RDH13: variants seen among roughly 807,000 people sequenced by gnomAD.
The protein encoded by RDH13 is retinol dehydrogenase 13, also known as retinol dehydrogenase 13 (all-trans and 9-cis).
A neutral mutation model predicts 28.3 loss-of-function variants in RDH13; 35 were observed. The observed-to-expected ratio is 1.24, with a 90% CI of 0.95 to 1.64. The LOEUF (loss-of-function observed/expected upper bound fraction) is 1.64. Among genes scored for constraint, RDH13 ranks in the 40% most tolerant of loss-of-function variants. RDH13 has a pLI of 0.00. For synonymous variants in RDH13, 229 were observed against 198.5 expected, an observed-to-expected ratio of 1.15 and a Z score of -1.29; for missense variants, 514 against 446.3, an observed-to-expected ratio of 1.15 and a Z score of -1.37.
intron 2 of RDH13, among the ~76,000 whole-genome samples, chr19:55,057,122 C>T (rs796441826): frequency 1.2e-4 from 19 of 152,202 alleles, no homozygotes; most frequent in African/African-American, 1.4e-4. Context: ...GACCACACAG[C>T]GTACAATCCC....
rs556468757 is a variant in RDH13 at position 55,055,204 on chromosome 19, G to A, written c.340+1449C>T. Among the ~76,000 whole-genome samples the A allele has an allele frequency of 7.2e-5, 11 of 152,182 alleles. No homozygotes were observed. In the East Asian group the frequency reaches 2.1e-3, roughly 30 times the overall value. ...GTCTCACTCTGTCACCCAGGCTGGA[G>A]TGCACTGGCACAATCTCAGCTCACT... On this transcript the variant is annotated intron_variant, in intron 3 of 6. Transcript: ENST00000415061.
At chr19:55,047,081 G>C (rs2075259783) in intron 6 of RDH13, 1 of 1,263,450 alleles carries the variant, frequency 7.9e-7, no homozygotes, top group African/African-American at 1.5e-5. Flanking sequence ...AGGTGCAGCT[G>C]GTTTGGGGTG....
intron 6 of RDH13, among the ~76,000 whole-genome samples, chr19:55,045,940 TC>T (rs2075212946): frequency 1.2e-5 from 1 of 85,398 alleles, no homozygotes; most frequent in South Asian, 4.0e-4. Context: ...TAGCAAGACT[TC>T]GTCTCAAAAA....
At chr19:55,068,187 C>G (rs1303382721) in intron 1 of RDH13, among the ~76,000 whole-genome samples, 2 of 151,764 alleles carry the variant, frequency 1.3e-5, no homozygotes, top group South Asian at 4.2e-4. Context: ...CTCTCTCCCC[C>G]CAACTCTCTC....
In RDH13 at chr19:55,048,692, CGTCCTCGGT is replaced by C. The variant is rs756906642; in HGVS notation, c.403_411del (p.Thr135_Asp137del). The stretch of plus-strand genomic sequence containing the variant: ...TTAACGCCAAACTGCATCTCGAAGC[CGTCCTCGGT>C]GGTCCAGTGGGGGCACCGCATCACA... On this transcript the variant is annotated inframe_deletion, in exon 4 of 7. Coordinates refer to ENST00000415061, the MANE Select transcript of RDH13 (RefSeq NM_001145971.2). The C allele has an allele frequency of 3.7e-6, 6 of 1,613,978 alleles. No homozygotes were observed. The highest frequency in any genetic ancestry group is 5.1e-6 in the Non-Finnish European group (6 of 1,180,014).
At chr19:55,048,004 A>G (rs2075293967) in intron 5 of RDH13, 5 of 1,349,692 alleles carry the variant, frequency 3.7e-6, no homozygotes, top group Non-Finnish European at 4.9e-6. Flanking sequence ...GTTTCCAGGC[A>G]TTGACAACTG....
chr19:55,054,971 CAAT>C (rs746382303), intron 3 of RDH13, among the ~76,000 whole-genome samples: 6 of 151,968 alleles, frequency 3.9e-5, no homozygotes, highest in South Asian at 2.1e-4. Context: ...GTCAACTAAA[CAAT>C]AAATAATTTT....
At chr19:55,060,772 T>C (rs1445498021) in intron 1 of RDH13, among the ~76,000 whole-genome samples, 1 of 152,112 alleles carries the variant, frequency 6.6e-6, no homozygotes, top group Non-Finnish European at 1.5e-5. Context: ...AGGCGGAGGT[T>C]GCAGTGAGTC....
intron 1 of RDH13, 113 bp from the exon 2 acceptor site, chr19:55,059,388 AAC>A (rs1475357906): frequency 2.0e-5 from 13 of 663,604 alleles, no homozygotes; most frequent in South Asian, 1.4e-4. Flanking sequence ...CCCCAACTGA[AAC>A]ACAGACATCA....
intron 3 of RDH13, among the ~76,000 whole-genome samples, chr19:55,052,710 G>A (rs1021250486): frequency 2.0e-5 from 3 of 150,266 alleles, no homozygotes; most frequent in African/African-American, 7.4e-5. Flanking sequence ...CACCCAGGCT[G>A]GAGTGCAGTG....
At chr19:55,040,950 A>G (rs1480989737), downstream of RDH13, 1 of 152,204 alleles carries the variant, frequency 6.6e-6, no homozygotes, top group Non-Finnish European at 1.5e-5. Flanking sequence ...AACATGGAGA[A>G]ACGCCATCTC....
At chr19:55,062,155 G>T (rs761339325) in intron 1 of RDH13, among the ~76,000 whole-genome samples, 1 of 151,792 alleles carries the variant, frequency 6.6e-6, no homozygotes, top group African/African-American at 2.4e-5. Context: ...ACATCAGCGA[G>T]AACCTCTGAC....
At chr19:55,051,462 C>G (rs1368743412) in intron 3 of RDH13, among the ~76,000 whole-genome samples, 1 of 151,786 alleles carries the variant, frequency 6.6e-6, no homozygotes, top group African/African-American at 2.4e-5. Flanking sequence ...CTCACTCTGC[C>G]ACCCAGGCTG....
At chr19:55,042,050 AC>A (rs1047986293), downstream of RDH13, 3 of 144,792 alleles carry the variant, frequency 2.1e-5, no homozygotes, top group African/African-American at 5.2e-5. Context: ...ATGGCTGATG[AC>A]CCCCTCACCT....
downstream of RDH13, chr19:55,042,922 TCA>T (rs2075080735): frequency 1.3e-5 from 2 of 151,908 alleles, no homozygotes; most frequent in Admixed American, 1.3e-4. Context: ...ATCACAGAGG[TCA>T]GTTTTGTAAC....
At chr19:55,053,756 C>A (rs913497200) in intron 3 of RDH13, 2 of 152,116 alleles carry the variant, frequency 1.3e-5, no homozygotes, top group East Asian at 1.9e-4. Flanking sequence ...GCATCACCTG[C>A]CCAGGTGTGT....
In RDH13 at chr19:55,056,758, C is replaced by T. The variant is rs2075649674; in HGVS notation, c.235G>A (p.Ala79Thr). Residue 79 changes from alanine to threonine, a missense_variant, in exon 3 of 7, where the codon GCA (alanine) becomes ACA (threonine). Transcript: ENST00000415061. ...AGGGTCTCCCCGCGGATGTCCTTTG[C>T]TGCCGCCTCACACTTCTCCATGTCT... ...CRDMEKCEAA[A>T]KDIRGETLNH... is the part of the protein sequence containing the mutation. 1 of 1,614,038 alleles carries T rather than the reference C, an allele frequency of 6.2e-7. No individual in the cohort carries two copies. Among genetic ancestry groups the T allele is most frequent in the Non-Finnish European group, 8.5e-7 (1 of 1,180,036 alleles).
At chr19:55,048,798 T>C (rs1398294728) in intron 3 of RDH13, 35 bp from the exon 4 acceptor site, 4 of 1,568,828 alleles carry the variant, frequency 2.5e-6, no homozygotes, top group Admixed American at 3.4e-5. Context: ...GACATCCCGG[T>C]GAGGACAGAC....
chr19:55,062,209 A>C (rs946822930), intron 1 of RDH13, among the ~76,000 whole-genome samples: 3 of 139,006 alleles, frequency 2.2e-5, no homozygotes, highest in African/African-American at 7.8e-5. Context: ...TAGGACGTGG[A>C]CCCCTCTACG....
Sources: gnomAD v4.1 joint callset for allele counts (sites outside exome capture counted in the v4.1 genomes callset) on GRCh38, gnomAD v4.1.1 for gene constraint, MANE v1.5 for transcripts, NCBI Gene and HGNC (gene_info 2026-07-23, HGNC 2026-07-21) for gene names.